Variants in HDAC4 observed in about 807,000 individuals in gnomAD.
HDAC4 encodes histone deacetylase 4.
Under a neutral mutation model 135.1 loss-of-function variants are expected in HDAC4, and 16 were observed. The ratio of observed to expected loss-of-function variants is 0.12; its 90% CI spans 0.08 to 0.18. HDAC4 has a LOEUF of 0.18. HDAC4 is among the 10% of genes least tolerant of loss of function. The probability of loss-of-function intolerance (pLI) is 1.00; values close to 1 mark genes in which losing one functional copy is unlikely to be tolerated. For missense variants in HDAC4, 1,143 were observed against 1,511.8 expected, an observed-to-expected ratio of 0.76 and a Z score of 4.05; for synonymous variants, 685 against 653.4, an observed-to-expected ratio of 1.05 and a Z score of -0.74.
chr2:239,184,249 A>T, intron 4 of HDAC4, among the ~76,000 whole-genome samples: 1 of 152,134 alleles, frequency 6.6e-6, no homozygotes, highest in Non-Finnish European at 1.5e-5. Context: ...TACATACAAA[A>T]GGTGCCCTGT....
chr2:239,378,386 G>A (rs970296950), intron 1 of HDAC4, among the ~76,000 whole-genome samples: 2 of 152,190 alleles, frequency 1.3e-5, no homozygotes, highest in Non-Finnish European at 2.9e-5. Flanking sequence ...GTTGGCCCCG[G>A]GGAACGAAGA....
At chr2:239,084,888 C>T (rs77393447) in intron 19 of HDAC4, among the ~76,000 whole-genome samples, 1 of 151,256 alleles carries the variant, frequency 6.6e-6, no homozygotes, top group Non-Finnish European at 1.5e-5. Flanking sequence ...ACCCACCCCC[C>T]CCACGTAGAC....
intron 2 of HDAC4, among the ~76,000 whole-genome samples, chr2:239,267,992 G>A (rs2049845535): frequency 6.6e-6 from 1 of 152,210 alleles, no homozygotes. Context: ...CAAGCTACAG[G>A]CTATACTTGA....
intron 1 of HDAC4, among the ~76,000 whole-genome samples, chr2:239,374,386 CTTTTTTTTTTTTTTTT>C (rs755538495): frequency 1.9e-4 from 11 of 56,662 alleles, no homozygotes; most frequent in East Asian, 6.0e-4. Flanking sequence ...GAAAACAAGG[CTTTTTTTTTTTTTTTT>C]TTTTTTTTTT....
chr2:239,264,216 A>G (rs2049568731), intron 2 of HDAC4, among the ~76,000 whole-genome samples: 1 of 152,138 alleles, frequency 6.6e-6, no homozygotes, highest in Non-Finnish European at 1.5e-5. Context: ...CAGCAGGCAC[A>G]GGCTTCACCT....
intron 2 of HDAC4, among the ~76,000 whole-genome samples, chr2:239,248,331 C>A (rs976914972): frequency 6.0e-4 from 91 of 152,190 alleles, no homozygotes; most frequent in African/African-American, 2.1e-3. Flanking sequence ...CAGGCGCCGG[C>A]CACCACGCCT....
At chr2:239,282,268 T>G (rs1172591671) in intron 2 of HDAC4, among the ~76,000 whole-genome samples, 1 of 133,384 alleles carries the variant, frequency 7.5e-6, no homozygotes, top group African/African-American at 2.9e-5. Context: ...CTACACACAA[T>G]GTACACACCA....
chr2:239,388,678 G>A (rs1288798562), intron 1 of HDAC4, among the ~76,000 whole-genome samples: 1 of 152,168 alleles, frequency 6.6e-6, no homozygotes, highest in Non-Finnish European at 1.5e-5. Flanking sequence ...CCCGCCCCTT[G>A]GGGTCACTGG....
intron 2 of HDAC4, among the ~76,000 whole-genome samples, chr2:239,263,545 C>T (rs1197188881): frequency 3.9e-5 from 6 of 152,194 alleles, no homozygotes; most frequent in Non-Finnish European, 7.3e-5. Flanking sequence ...TATTGCTAGG[C>T]CCGCACGGAG....
At chr2:239,080,366 T>C (rs2035191400) in intron 22 of HDAC4, among the ~76,000 whole-genome samples, 1 of 152,246 alleles carries the variant, frequency 6.6e-6, no homozygotes, top group Non-Finnish European at 1.5e-5. Context: ...GCCACGCTAA[T>C]AAAACCCTTC....
chr2:239,312,085 TGAG>T (rs903510907), intron 2 of HDAC4, among the ~76,000 whole-genome samples: 1 of 152,158 alleles, frequency 6.6e-6, no homozygotes, highest in African/African-American at 2.4e-5. Flanking sequence ...AGTTTAGACT[TGAG>T]GAACCTCGGC....
At chr2:239,095,491 A>C (rs1315126365) in intron 16 of HDAC4, among the ~76,000 whole-genome samples, 1 of 152,052 alleles carries the variant, frequency 6.6e-6, no homozygotes, top group Non-Finnish European at 1.5e-5. Flanking sequence ...CTCCCATGGC[A>C]AACAAGGGGC....
intron 2 of HDAC4, among the ~76,000 whole-genome samples, chr2:239,268,143 C>T (rs1360582734): frequency 1.3e-5 from 2 of 152,232 alleles, no homozygotes; most frequent in Non-Finnish European, 2.9e-5. Context: ...ATCCCATTCT[C>T]GCTGCTGAGC....
intron 1 of HDAC4, among the ~76,000 whole-genome samples, chr2:239,379,187 G>C (rs1013817365): frequency 2.6e-5 from 4 of 152,212 alleles, no homozygotes; most frequent in Admixed American, 6.5e-5. Flanking sequence ...CTGTTCCTCG[G>C]AGGACAGAGG....
At chr2:239,355,090 G>A (rs373004752) in intron 1 of HDAC4, among the ~76,000 whole-genome samples, 1 of 152,084 alleles carries the variant, frequency 6.6e-6, no homozygotes, top group East Asian at 1.9e-4. Context: ...GGAATCTACT[G>A]GCATTTTTTT....
chr2:239,290,780 T>C (rs1378225611), intron 2 of HDAC4, among the ~76,000 whole-genome samples: 1 of 152,200 alleles, frequency 6.6e-6, no homozygotes, highest in Non-Finnish European at 1.5e-5. Flanking sequence ...CTCCCGTGTT[T>C]AGTGTGTTTC....
In HDAC4 at chr2:239,053,546, G is replaced by A. The variant is rs760184285; in HGVS notation, c.3144C>T (p.Ile1048=). 24 of 1,613,904 alleles carry A rather than the reference G, an allele frequency of 1.5e-5. No homozygotes were observed. The highest frequency in any genetic ancestry group is 1.9e-5 in the Non-Finnish European group (22 of 1,179,966). ...CTTCGTTCTCGCAAGTCTGAGCCTC[G>A]ATCAGAGAACGCCCCGCTGTGGAGG... ...RTTSTAGRSL[I]EAQTCENEEA... is the part of the protein sequence containing the mutation. Residue 1048 remains isoleucine, a synonymous_variant, in exon 26 of 27, where the codon ATC becomes ATT. Coordinates refer to ENST00000543185, the MANE Select transcript of HDAC4 (RefSeq NM_001378414.1).
intron 6 of HDAC4, among the ~76,000 whole-genome samples, chr2:239,159,517 AC>A (rs2042652004): frequency 7.2e-6 from 1 of 139,278 alleles, no homozygotes; most frequent in African/African-American, 2.7e-5. Flanking sequence ...TTCATGCCTC[AC>A]ACCCACCCAC....
chr2:239,160,030 T>A, intron 6 of HDAC4, among the ~76,000 whole-genome samples: 1 of 152,214 alleles, frequency 6.6e-6, no homozygotes, highest in Non-Finnish European at 1.5e-5. Context: ...TCCAAACCAT[T>A]GCCCTTTCAT....
Sources: gnomAD v4.1 joint callset for allele counts (sites outside exome capture counted in the v4.1 genomes callset) on GRCh38, gnomAD v4.1.1 for gene constraint, MANE v1.5 for transcripts, NCBI Gene and HGNC (gene_info 2026-07-23, HGNC 2026-07-21) for gene names.